Variants in STX10 observed in about 807,000 individuals in gnomAD.
STX10 encodes the protein syntaxin 10, also known as syntaxin-10.
STX10 carries 35 observed loss-of-function variants against 34.1 expected under a neutral mutation model. The ratio of observed to expected loss-of-function variants is 1.03; its 90% CI spans 0.78 to 1.36. The LOEUF (loss-of-function observed/expected upper bound fraction) is 1.36. STX10 is among the 40% of genes most tolerant of loss of function. The pLI is 0.00. For synonymous variants in STX10, 155 were observed against 132.9 expected, an observed-to-expected ratio of 1.17 and a Z score of -1.15; for missense variants, 361 against 335.5, an observed-to-expected ratio of 1.08 and a Z score of -0.59.
chr19:13,144,767 C>A lies in STX10; in HGVS notation c.575G>T (p.Gly192Val), dbSNP rs1291483726. 1 of 1,613,510 alleles carries A rather than the reference C, an allele frequency of 6.2e-7. No individual in the cohort carries two copies. Among genetic ancestry groups the A allele is most frequent in the African/African-American group, 1.3e-5 (1 of 74,930 alleles). ...ACCCCCAGGGTCCTGGCCTCACATG[C>A]CCTGCTCGTCCAGCTCTTCTCCAAC... is the stretch of plus-strand genomic sequence containing the variant. ...GRVGEELDEQ[G>V]IMLDAFAQEM... The change falls in exon 6 of 8, where the codon GGC becomes GTC. Residue 192 changes from glycine (G) to valine (V), a missense_variant. By Grantham distance (109) the Gly-to-Val change is moderately radical. Transcript: ENST00000587230.
At chr19:13,145,142 T>G in intron 5 of STX10, 146 bp downstream of exon 5, 1 of 757,332 alleles carries the variant, frequency 1.3e-6, no homozygotes, top group Non-Finnish European at 2.1e-6. Flanking sequence ...GAGGTTGCAG[T>G]GAGCTGAGAT....
intron 3 of STX10, 87 bp downstream of exon 3, chr19:13,149,412 A>G (rs1223732354): frequency 3.8e-6 from 2 of 523,968 alleles, no homozygotes; most frequent in African/African-American, 3.2e-5. Context: ...GCTCTGTCTC[A>G]AAAAAAAAAA....
In STX10 at chr19:13,150,030, G is replaced by A; in HGVS notation, c.35+109C>T. The A allele has an allele frequency of 3.0e-6, 4 of 1,331,164 alleles. No individual in the cohort carries two copies. The highest frequency in any genetic ancestry group is 4.2e-6 in the Non-Finnish European group (4 of 948,964). The allele number at this position is 1,331,164 out of a possible 1,614,324, so 82.5% of individuals were successfully genotyped here. A position where few individuals can be genotyped will look rare whatever the true frequency, so the allele number is the denominator to read the frequency against. The stretch of plus-strand genomic sequence containing the variant: ...TACCCCTGCGTGCGCCTCCCACTCT[G>A]CACCCCGACGGCCTTGCCCAGCCCG... On this transcript the variant is annotated intron_variant, in intron 1 of 7. Coordinates refer to ENST00000587230, the MANE Select transcript of STX10 (RefSeq NM_003765.3). This position sits in a 1 kb window ranked among gnomAD's most constrained non-coding sequence, Gnocchi z 4.0.
Position 13,145,273 on chromosome 19 carries a change from C to T in STX10, c.471+15G>A, listed in dbSNP as rs199806807. On this transcript the variant is annotated intron_variant, in intron 5 of 7. Transcript: ENST00000587230. Reference sequence around the variant, plus strand: ...GGCTCTCCCCTCCCAAGATCCACCCCGCTGGCCCCAAAACCTGCTGTGTGG... The same window carrying T: ...GGCTCTCCCCTCCCAAGATCCACCCTGCTGGCCCCAAAACCTGCTGTGTGG... 207 of 1,607,078 alleles carry T rather than the reference C, an allele frequency of 1.3e-4. No individual in the cohort carries two copies. Among genetic ancestry groups the T allele is most frequent in the Middle Eastern group, 1.7e-4 (1 of 6,060 alleles).
At chr19:13,146,195 CAAA>C (rs111677011) in intron 4 of STX10, among the ~76,000 whole-genome samples, 1 of 136,584 alleles carries the variant, frequency 7.3e-6, no homozygotes, top group African/African-American at 2.6e-5. Flanking sequence ...GACCTTGCCT[CAAA>C]AAAAAAAAAA....
chr19:13,147,113 C>CAT (rs1555724096), intron 4 of STX10, among the ~76,000 whole-genome samples: 1 of 149,690 alleles, frequency 6.7e-6, no homozygotes, highest in Non-Finnish European at 1.5e-5. Flanking sequence ...CACACACACA[C>CAT]GGCAGGCACA....
At chr19:13,149,981 TG>T (rs1251425236) in intron 1 of STX10, 84 bp from the exon 2 acceptor site, 5 of 1,498,878 alleles carry the variant, frequency 3.3e-6, no homozygotes, top group Admixed American at 2.2e-5. Flanking sequence ...CCCAAACGCA[TG>T]GGGGACTCCG....
intron 4 of STX10, among the ~76,000 whole-genome samples, chr19:13,146,590 G>C (rs1271739488): frequency 6.6e-6 from 1 of 152,022 alleles, no homozygotes; most frequent in Non-Finnish European, 1.5e-5. Context: ...ACCTAGGCTG[G>C]AGTGCAGTGG....
Position 13,144,291 on chromosome 19 carries a change from G to C in STX10, c.*119C>G. 1 of 1,398,312 alleles carries C rather than the reference G, an allele frequency of 7.2e-7. No individual in the cohort carries two copies. Among genetic ancestry groups the C allele is most frequent in the Non-Finnish European group, 9.7e-7 (1 of 1,032,928 alleles). The allele number at this position is 1,398,312 out of a possible 1,614,324, so 86.6% of individuals were successfully genotyped here. A position where few individuals can be genotyped will look rare whatever the true frequency, so the allele number is the denominator to read the frequency against. On this transcript the variant is annotated 3_prime_UTR_variant, in exon 8 of 8. Coordinates refer to ENST00000587230, the MANE Select transcript of STX10 (RefSeq NM_003765.3). ...AGCCATGGGGACAGCTCCCCAGGCG[G>C]GACCCTCTACTCTCCAGCTACCCAG...
At position 13,150,004 on chromosome 19, in the gene STX10, A is replaced by T; in HGVS notation, c.36-107T>A. On this transcript the variant is annotated intron_variant, in intron 1 of 7. Coordinates refer to ENST00000587230, the MANE Select transcript of STX10 (RefSeq NM_003765.3). The surrounding 1 kb of genome is among the most constrained non-coding windows in gnomAD (Gnocchi z 4.0). ...CATGGGGGACTCCGGAGACCCCTAT[A>T]TACCCCTGCGTGCGCCTCCCACTCT... The T allele has an allele frequency of 7.0e-7, 1 of 1,425,730 alleles. No homozygotes were observed. Among genetic ancestry groups the T allele is most frequent in the African/African-American group, 1.4e-5 (1 of 70,180 alleles). The allele number at this position is 1,425,730 out of a possible 1,614,324, so 88.3% of individuals were successfully genotyped here.
chr19:13,150,139 C>A lies in STX10; in HGVS notation c.35G>T (p.Gly12Val). The change falls in exon 1 of 8, where the codon GGC (glycine) becomes GTC (valine). Residue 12 changes from glycine to valine, a missense_variant and splice_region_variant. By Grantham distance (109) the Gly-to-Val change is moderately radical. Coordinates refer to ENST00000587230, the MANE Select transcript of STX10 (RefSeq NM_003765.3). This position sits in a 1 kb window ranked among gnomAD's most constrained non-coding sequence, Gnocchi z 4.0. Reference sequence around the variant, plus strand: ...GCCCTCCCCCGTCGTTGTCACTCACCCTCGGACTACAAAAAAGGGGTCTTC... The same window carrying A: ...GCCCTCCCCCGTCGTTGTCACTCACACTCGGACTACAAAAAAGGGGTCTTC... The part of the protein sequence containing the change: ...SLEDPFFVVR[G>V]EVQKAVNTAR... The A allele has an allele frequency of 8.4e-7, 1 of 1,189,414 alleles. No individual in the cohort carries two copies. Among genetic ancestry groups the A allele is most frequent in the East Asian group, 2.5e-5 (1 of 40,430 alleles). 73.7% of individuals were successfully genotyped at this position (1,189,414 alleles called of 1,614,324 possible).
At chr19:13,149,183 G>T (rs1372632445) in intron 3 of STX10, 92 bp from the exon 4 acceptor site, 2 of 1,154,742 alleles carry the variant, frequency 1.7e-6, no homozygotes, top group Non-Finnish European at 2.5e-6. Context: ...AGACCAAGCC[G>T]GGTGGATCAC....
At position 13,144,480 on chromosome 19, in the gene STX10, C is replaced by A; in HGVS notation, c.680G>T (p.Arg227Leu). 1 of 1,613,498 alleles carries A rather than the reference C, an allele frequency of 6.2e-7. No homozygotes were observed. Among genetic ancestry groups the A allele is most frequent in the Non-Finnish European group, 8.5e-7 (1 of 1,179,840 alleles). ...AKVSHMTSDR[R>L]QWCAIAVLVG... ...TAGCACGGCGATGGCACACCACTGT[C>A]GGCGGTCTGGGAACGAGAAGGTCAG... Residue 227 changes from arginine (R) to leucine (L), a missense_variant, in exon 8 of 8, where the codon CGA becomes CTA. Physicochemically the swap from Arg to Leu is moderately radical, Grantham distance 102. Coordinates refer to ENST00000587230, the MANE Select transcript of STX10 (RefSeq NM_003765.3).
chr19:13,149,121 A>G (rs1227566092), intron 3 of STX10, 30 bp from the exon 4 acceptor site: 1 of 1,571,104 alleles, frequency 6.4e-7, no homozygotes. Flanking sequence ...TAGGGAGGAA[A>G]GACACTCAGG....
intron 4 of STX10, among the ~76,000 whole-genome samples, chr19:13,146,206 AAAAT>A (rs1356766963): frequency 6.6e-6 from 1 of 151,630 alleles, no homozygotes; most frequent in Non-Finnish European, 1.5e-5. Context: ...AAAAAAAAAA[AAAAT>A]AAAATAAAAT....
chr19:13,145,750 G>A (rs1478335440), intron 4 of STX10, among the ~76,000 whole-genome samples: 1 of 151,920 alleles, frequency 6.6e-6, no homozygotes, highest in Non-Finnish European at 1.5e-5. Context: ...ATTGGGCCGG[G>A]CACAGTGGCT....
chr19:13,149,434 G>GA, intron 3 of STX10, 65 bp downstream of exon 3: 6 of 1,123,116 alleles, frequency 5.3e-6, no homozygotes, highest in African/African-American at 1.7e-5. Context: ...AAAAAAGAAA[G>GA]AAAGAAAGAA....
At chr19:13,147,758 A>G (rs1026528009) in intron 4 of STX10, among the ~76,000 whole-genome samples, 3 of 151,820 alleles carry the variant, frequency 2.0e-5, no homozygotes, top group African/African-American at 7.3e-5. Context: ...TTAGCCACGC[A>G]TGGTGGTGGG....
intron 4 of STX10, among the ~76,000 whole-genome samples, chr19:13,148,020 C>T (rs2019943481): frequency 1.5e-5 from 2 of 130,930 alleles, no homozygotes; most frequent in Non-Finnish European, 3.1e-5. Context: ...GCCGAGACTG[C>T]GCCACTGCAC....
Sources: gnomAD v4.1 joint callset for allele counts (sites outside exome capture counted in the v4.1 genomes callset) on GRCh38, gnomAD v4.1.1 for gene constraint, Gnocchi (gnomAD v3.1) non-coding constraint, MANE v1.5 for transcripts, NCBI Gene and HGNC (gene_info 2026-07-23, HGNC 2026-07-21) for gene names.